The following NXNL2 variants were observed in gnomAD, a reference collection of about 807,000 sequenced individuals.
NXNL2 encodes nucleoredoxin-like protein 2.
A neutral mutation model predicts 11.1 loss-of-function variants in NXNL2; 7 were observed. The observed-to-expected ratio is 0.63, with a 90% CI of 0.36 to 1.18. The LOEUF (loss-of-function observed/expected upper bound fraction) is 1.18, where lower values mean the gene tolerates loss of function less well. Ranked by LOEUF, NXNL2 falls within the 50% of genes most tolerant of loss-of-function variation. NXNL2 has a pLI of 0.02. For missense variants in NXNL2, 233 were observed against 217.7 expected, an observed-to-expected ratio of 1.07 and a Z score of -0.44; for synonymous variants, 109 against 101.8, an observed-to-expected ratio of 1.07 and a Z score of -0.42.
intron 1 of NXNL2, among the ~76,000 whole-genome samples, chr9:88,555,128 G>T (rs1223328592): frequency 6.6e-6 from 1 of 152,206 alleles, no homozygotes; most frequent in East Asian, 1.9e-4. Context: ...TGGGTTTTTT[G>T]GCTTTGCACA....
chr9:88,573,756 A>G, intron 2 of NXNL2, among the ~76,000 whole-genome samples: 1 of 152,230 alleles, frequency 6.6e-6, no homozygotes. Flanking sequence ...TGAACTGTAC[A>G]CTAAAATGGT....
At chr9:88,555,829 A>T (rs966624112) in intron 1 of NXNL2, among the ~76,000 whole-genome samples, 1 of 151,832 alleles carries the variant, frequency 6.6e-6, no homozygotes. Context: ...TTCTGTGGGC[A>T]AGCCAGGTGC....
At chr9:88,539,283 G>T (rs1467743623) in intron 1 of NXNL2, among the ~76,000 whole-genome samples, 1 of 152,194 alleles carries the variant, frequency 6.6e-6, no homozygotes, top group Admixed American at 6.5e-5. Context: ...CTGGTGCATG[G>T]ACCCATGTCA....
downstream of NXNL2, among the ~76,000 whole-genome samples, chr9:88,549,552 C>T (rs1034671650): frequency 6.6e-6 from 1 of 152,096 alleles, no homozygotes. Flanking sequence ...GAAGGCACCA[C>T]CTCATAGCTT....
At position 88,540,052 on chromosome 9, in the gene NXNL2, G is replaced by A. The variant is rs1275322474; in HGVS notation, c.302+4316G>A. On this transcript the variant is annotated intron_variant, in intron 1 of 1. Coordinates refer to ENST00000375854, the MANE Select transcript of NXNL2 (RefSeq NM_001161625.2). ...CATTTTAAATTTTAGGTGTTGTGCG[G>A]CCGGGCGTGGTGGCTCACGCCTGTA... Among the ~76,000 whole-genome samples, 5 of 152,088 alleles carry A rather than the reference G, an allele frequency of 3.3e-5. No individual in the cohort carries two copies. In the East Asian group the frequency reaches 9.8e-4, roughly 30 times the overall value.
intron 1 of NXNL2, among the ~76,000 whole-genome samples, chr9:88,565,110 G>T (rs987317970): frequency 2.6e-5 from 4 of 152,198 alleles, no homozygotes; most frequent in Non-Finnish European, 5.9e-5. Flanking sequence ...GAATCATGCA[G>T]TATTTGTCCT....
intron 2 of NXNL2, among the ~76,000 whole-genome samples, chr9:88,574,641 G>T (rs1366410160): frequency 6.6e-6 from 1 of 152,196 alleles, no homozygotes; most frequent in Non-Finnish European, 1.5e-5. Flanking sequence ...TTGTCCACAG[G>T]AATTTCAGTA....
intron 2 of NXNL2, among the ~76,000 whole-genome samples, chr9:88,571,513 A>T (rs1054559393): frequency 4.6e-5 from 7 of 152,192 alleles, no homozygotes; most frequent in Admixed American, 4.6e-4. Context: ...GCAGAATCAG[A>T]ACTGATGTTT....
At chr9:88,566,741 T>C (rs1830175372) in intron 1 of NXNL2, among the ~76,000 whole-genome samples, 1 of 152,242 alleles carries the variant, frequency 6.6e-6, no homozygotes, top group Non-Finnish European at 1.5e-5. Context: ...TCTTTTCTGG[T>C]TTTCCCAACA....
At chr9:88,565,496 C>G (rs557904944) in intron 1 of NXNL2, among the ~76,000 whole-genome samples, 2 of 152,120 alleles carry the variant, frequency 1.3e-5, no homozygotes, top group African/African-American at 4.8e-5. Flanking sequence ...ACAAGGGTTC[C>G]AATTATTCCA....
At chr9:88,557,891 C>A (rs965163316) in intron 1 of NXNL2, among the ~76,000 whole-genome samples, 1 of 152,180 alleles carries the variant, frequency 6.6e-6, no homozygotes, top group African/African-American at 2.4e-5. Context: ...CAGGAAATTT[C>A]CCCTGCAACA....
chr9:88,549,378 C>G (rs1317023215), downstream of NXNL2, among the ~76,000 whole-genome samples: 1 of 152,142 alleles, frequency 6.6e-6, no homozygotes, highest in South Asian at 2.1e-4. Flanking sequence ...TGGTTTCCAC[C>G]CTTGTTTTGT....
At chr9:88,582,020 C>T (rs1044852632) in intron 1 of NXNL2, among the ~76,000 whole-genome samples, 2 of 152,138 alleles carry the variant, frequency 1.3e-5, no homozygotes, top group Admixed American at 6.5e-5. Context: ...TGTCACCACT[C>T]CCCACCCCAG....
chr9:88,569,105 T>C (rs1250547409), intron 1 of NXNL2, among the ~76,000 whole-genome samples: 8 of 152,042 alleles, frequency 5.3e-5, no homozygotes, highest in Non-Finnish European at 1.2e-4. Flanking sequence ...TTTTTTGTAT[T>C]TTTTTTGTAG....
At chr9:88,574,335 G>T (rs1030631195) in intron 2 of NXNL2, among the ~76,000 whole-genome samples, 5 of 152,202 alleles carry the variant, frequency 3.3e-5, no homozygotes, top group African/African-American at 1.2e-4. Context: ...TTAAGGACAT[G>T]CCTGTGACAC....
chr9:88,577,192 T>C (rs1830357835), downstream of NXNL2, among the ~76,000 whole-genome samples: 1 of 152,148 alleles, frequency 6.6e-6, no homozygotes, highest in Non-Finnish European at 1.5e-5. Flanking sequence ...AAAGTGCATG[T>C]ATTTCTGAGC....
chr9:88,578,853 C>T (rs536990751), downstream of NXNL2, among the ~76,000 whole-genome samples: 2 of 152,338 alleles, frequency 1.3e-5, no homozygotes, highest in African/African-American at 4.8e-5. Flanking sequence ...AAAGGGCTGG[C>T]CACGTTCAAG....
chr9:88,551,310 A>G (rs530164958), intron 1 of NXNL2, among the ~76,000 whole-genome samples: 1 of 152,004 alleles, frequency 6.6e-6, no homozygotes, highest in East Asian at 1.9e-4. Context: ...TGAATGTTGG[A>G]CTTTCTAGAT....
intron 1 of NXNL2, among the ~76,000 whole-genome samples, chr9:88,538,579 A>C (rs1326774516): frequency 6.6e-6 from 1 of 152,162 alleles, no homozygotes; most frequent in Non-Finnish European, 1.5e-5. Context: ...GCTGTGTCTC[A>C]GACTGCGCAT....
Sources: allele counts gnomAD v4.1 joint callset (sites outside exome capture counted in the v4.1 genomes callset), GRCh38; gene constraint gnomAD v4.1.1; transcripts MANE v1.5; gene names NCBI Gene and HGNC (gene_info 2026-07-23, HGNC 2026-07-21).